TMEM117: variants seen among roughly 807,000 people sequenced by gnomAD.
TMEM117 encodes the protein transmembrane protein 117.
Under a neutral mutation model 52.4 loss-of-function variants are expected in TMEM117, and 27 were observed. That is an observed-to-expected ratio of 0.51 (90% CI 0.38 to 0.71). The LOEUF is 0.71. Among genes scored for constraint, TMEM117 ranks in the 30% least tolerant of loss-of-function variants. TMEM117 has a pLI of 0.00. For synonymous variants in TMEM117, 215 were observed against 206.3 expected, an observed-to-expected ratio of 1.04 and a Z score of -0.36; for missense variants, 556 against 630.5, an observed-to-expected ratio of 0.88 and a Z score of 1.26.
chr12:44,239,779 A>C (rs1175943105), intron 5 of TMEM117, among the ~76,000 whole-genome samples: 1 of 152,094 alleles, frequency 6.6e-6, no homozygotes, highest in African/African-American at 2.4e-5. Flanking sequence ...CCACATGCAC[A>C]CATACACATG....
intron 3 of TMEM117, among the ~76,000 whole-genome samples, chr12:44,047,411 A>G (rs925332975): frequency 6.6e-6 from 1 of 152,176 alleles, no homozygotes; most frequent in Non-Finnish European, 1.5e-5. Flanking sequence ...AGGCTGTGGC[A>G]ACCTTGGATT....
At chr12:43,917,575 G>T (rs1455805904) in intron 2 of TMEM117, among the ~76,000 whole-genome samples, 1 of 152,100 alleles carries the variant, frequency 6.6e-6, no homozygotes, top group Non-Finnish European at 1.5e-5. Context: ...TCAGCCATCT[G>T]TCTCCCAAGC....
intron 5 of TMEM117, among the ~76,000 whole-genome samples, chr12:44,267,794 A>C (rs1028885104): frequency 6.6e-6 from 1 of 152,144 alleles, no homozygotes; most frequent in Non-Finnish European, 1.5e-5. Context: ...ACTTTATTCA[A>C]CATAAGCCTG....
chr12:43,866,410 CAAA>C (rs1194302841), intron 2 of TMEM117, among the ~76,000 whole-genome samples: 10 of 107,108 alleles, frequency 9.3e-5, no homozygotes, highest in African/African-American at 1.0e-4. Context: ...TCATCGCTAC[CAAA>C]AAAAAAAAAA....
At chr12:43,797,821 C>A in the TMEM117 span, 1 of 1,613,004 alleles carries the variant, frequency 6.2e-7, no homozygotes. Context: ...TCCACACCCA[C>A]GTCAGTCTGT....
intron 2 of TMEM117, among the ~76,000 whole-genome samples, chr12:43,887,176 T>G (rs1403542015): frequency 6.6e-6 from 1 of 152,054 alleles, no homozygotes; most frequent in East Asian, 1.9e-4. Context: ...CAGTGAGGGG[T>G]TGGGTGGCTG....
intron 2 of TMEM117, among the ~76,000 whole-genome samples, chr12:43,845,259 G>A (rs1417970482): frequency 6.6e-6 from 1 of 152,018 alleles, no homozygotes; most frequent in East Asian, 1.9e-4. Flanking sequence ...TCAGAAGTTT[G>A]AGATCAGCCT....
At chr12:44,065,862 A>G (rs1947214669) in intron 3 of TMEM117, among the ~76,000 whole-genome samples, 1 of 152,202 alleles carries the variant, frequency 6.6e-6, no homozygotes, top group South Asian at 2.1e-4. Context: ...CTCTACGTTA[A>G]TGATGCATAA....
At chr12:44,182,819 C>T (rs1374453152) in intron 4 of TMEM117, among the ~76,000 whole-genome samples, 1 of 152,112 alleles carries the variant, frequency 6.6e-6, no homozygotes, top group Non-Finnish European at 1.5e-5. Context: ...CGGTCAGTAG[C>T]ACCTCCATCT....
intron 3 of TMEM117, among the ~76,000 whole-genome samples, chr12:44,111,615 C>G (rs1392196960): frequency 1.0e-4 from 11 of 108,634 alleles, no homozygotes; most frequent in Admixed American, 2.8e-4. Flanking sequence ...CTGAGGAGAG[C>G]TTTACTTCCA....
intron 3 of TMEM117, among the ~76,000 whole-genome samples, chr12:44,121,163 A>G (rs945650235): frequency 1.3e-5 from 2 of 152,204 alleles, no homozygotes; most frequent in African/African-American, 4.8e-5. Flanking sequence ...ACCTGCCTCC[A>G]TGATTCCATT....
intron 5 of TMEM117, among the ~76,000 whole-genome samples, chr12:44,228,352 G>A (rs1316475100): frequency 6.6e-6 from 1 of 152,104 alleles, no homozygotes; most frequent in Non-Finnish European, 1.5e-5. Context: ...CATTTTGTAT[G>A]TGAGGGGCCT....
chr12:44,309,583 G>A (rs1174256364), intron 6 of TMEM117, among the ~76,000 whole-genome samples: 1 of 151,976 alleles, frequency 6.6e-6, no homozygotes, highest in African/African-American at 2.4e-5. Context: ...AAACTAAAAG[G>A]CCAACATTCA....
intron 4 of TMEM117, among the ~76,000 whole-genome samples, chr12:44,193,053 T>G (rs1447710092): frequency 1.3e-5 from 2 of 152,208 alleles, no homozygotes; most frequent in Non-Finnish European, 2.9e-5. Context: ...TATTTGGCTG[T>G]GCACCTTTGA....
rs748608739 is a variant in TMEM117 at position 43,844,893 on chromosome 12, T to C, written c.242T>C (p.Ile81Thr). Residue 81 changes from isoleucine to threonine, a missense_variant, in exon 2 of 8, where the codon ATA (isoleucine) becomes ACA (threonine). Transcript: ENST00000266534. ...CTACTTGCCATTCTCACAGGACTAATAGCTGGCAAATTTCTGTTCCATCAG... is the reference window on the plus strand; with the variant it reads ...CTACTTGCCATTCTCACAGGACTAACAGCTGGCAAATTTCTGTTCCATCAG... Reference protein sequence around the residue: ...LWLLAILTGLIAGKFLFHQRL... With the variant: ...LWLLAILTGLTAGKFLFHQRL... 5.0e-6 allele frequency: 8 copies of C among 1,613,818 alleles called. No individual in the cohort carries two copies. Among genetic ancestry groups the C allele is most frequent in the Middle Eastern group, 3.3e-4 (2 of 6,060 alleles).
At chr12:44,111,725 G>A (rs1033685370) in intron 3 of TMEM117, among the ~76,000 whole-genome samples, 21 of 141,792 alleles carry the variant, frequency 1.5e-4, no homozygotes, top group South Asian at 6.5e-4. Context: ...TATTAGGTCC[G>A]CTTGGTGCAG....
chr12:43,979,127 A>G (rs11503837), intron 3 of TMEM117, among the ~76,000 whole-genome samples: 1,880 of 152,022 alleles, frequency 0.012, 38 homozygotes, highest in African/African-American at 0.043. Flanking sequence ...GCCAATTAAT[A>G]TTACCCAGTA....
chr12:44,354,357 CACA>C (rs1951612733), intron 6 of TMEM117, among the ~76,000 whole-genome samples: 1 of 151,756 alleles, frequency 6.6e-6, no homozygotes, highest in Admixed American at 6.6e-5. Flanking sequence ...CTGGCAGAAA[CACA>C]ACAAAAAAAG....
chr12:43,847,158 G>C (rs1943224320), intron 2 of TMEM117, among the ~76,000 whole-genome samples: 1 of 152,060 alleles, frequency 6.6e-6, no homozygotes, highest in Non-Finnish European at 1.5e-5. Flanking sequence ...TGTGGGAGAA[G>C]GAGCTAGATT....
Sources: allele counts gnomAD v4.1 joint callset (sites outside exome capture counted in the v4.1 genomes callset), GRCh38; gene constraint gnomAD v4.1.1; transcripts MANE v1.5; gene names NCBI Gene and HGNC (gene_info 2026-07-23, HGNC 2026-07-21).